GPC6: variants seen among roughly 807,000 people sequenced by gnomAD.
The protein encoded by GPC6 is glypican 6, also known as glypican-6.
A neutral mutation model predicts 55.2 loss-of-function variants in GPC6; 14 were observed. The ratio of observed to expected loss-of-function variants is 0.25; its 90% CI spans 0.17 to 0.40. The LOEUF (loss-of-function observed/expected upper bound fraction) is 0.40. Ranked by LOEUF, GPC6 falls within the 10% of genes least tolerant of loss-of-function variation. The pLI, the probability that GPC6 is intolerant of heterozygous loss-of-function variation, is 1.00. For synonymous variants in GPC6, 278 were observed against 259.6 expected (o/e 1.07, Z -0.68); for missense variants, 641 against 708.5 (o/e 0.90, Z 1.08).
At position 93,227,708 on chromosome 13, in the gene GPC6, C is replaced by G; in HGVS notation, c.160+92C>G. The stretch of plus-strand genomic sequence containing the variant: ...GGCGTCCCCTTCCTTCCCCCTGTTG[C>G]TGAGTTGGTGCTCACTTTCTGCCAC... On this transcript the variant is annotated intron_variant, in intron 1 of 8. Transcript: ENST00000377047. This position sits in a 1 kb window ranked among gnomAD's most constrained non-coding sequence, Gnocchi z 4.3. 1 of 1,036,398 alleles carries G rather than the reference C, an allele frequency of 9.6e-7. No individual in the cohort carries two copies. Among genetic ancestry groups the G allele is most frequent in the Admixed American group, 2.2e-5 (1 of 44,812 alleles). The allele number at this position is 1,036,398 out of a possible 1,614,324, so 64.2% of individuals were successfully genotyped here.
At chr13:93,870,845 C>A (rs1379869861) in intron 3 of GPC6, among the ~76,000 whole-genome samples, 4 of 151,888 alleles carry the variant, frequency 2.6e-5, no homozygotes, top group African/African-American at 4.8e-5. Flanking sequence ...GTCTTGAACT[C>A]CTGGGCTCAA....
intron 2 of GPC6, among the ~76,000 whole-genome samples, chr13:93,609,552 C>T (rs1594308559): frequency 1.3e-5 from 2 of 152,196 alleles, no homozygotes; most frequent in African/African-American, 4.8e-5. Context: ...ACCTGAGTTT[C>T]TGTAGCAACT....
intron 2 of GPC6, among the ~76,000 whole-genome samples, chr13:93,569,608 A>T (rs779694607): frequency 6.6e-6 from 1 of 152,028 alleles, no homozygotes; most frequent in Non-Finnish European, 1.5e-5. Context: ...CTGTCCTAGG[A>T]TCTAGCAATT....
At chr13:93,715,393 G>A (rs552451401) in intron 2 of GPC6, among the ~76,000 whole-genome samples, 9 of 151,616 alleles carry the variant, frequency 5.9e-5, no homozygotes, top group Non-Finnish European at 1.3e-4. Context: ...TCACTTGTTA[G>A]TGGGAGCTAA....
At chr13:93,280,808 G>A (rs961912930) in intron 1 of GPC6, among the ~76,000 whole-genome samples, 3 of 152,196 alleles carry the variant, frequency 2.0e-5, no homozygotes, top group Non-Finnish European at 4.4e-5. Context: ...GGATTAAAGT[G>A]TTCCACCTCA....
chr13:93,776,083 T>A (rs1442458366), intron 2 of GPC6, among the ~76,000 whole-genome samples: 1 of 96,944 alleles, frequency 1.0e-5, no homozygotes, highest in Non-Finnish European at 2.1e-5. Flanking sequence ...GGTGGGGGGG[T>A]GGTGTACATT....
chr13:93,667,457 A>C (rs1261821633), intron 2 of GPC6, among the ~76,000 whole-genome samples: 1 of 151,206 alleles, frequency 6.6e-6, no homozygotes. Context: ...TTTTTTGACA[A>C]AGTCTCACTC....
At chr13:94,016,776 A>G (rs1020402923) in intron 3 of GPC6, among the ~76,000 whole-genome samples, 1 of 151,760 alleles carries the variant, frequency 6.6e-6, no homozygotes, top group African/African-American at 2.4e-5. Flanking sequence ...TCCATGTAAA[A>G]TTCTATCATT....
chr13:93,749,811 A>G (rs1435298526), intron 2 of GPC6, among the ~76,000 whole-genome samples: 1 of 152,126 alleles, frequency 6.6e-6, no homozygotes, highest in African/African-American at 2.4e-5. Context: ...AAAAAAATAC[A>G]ACGTCAAATG....
chr13:93,364,356 T>C (rs1881161639), intron 1 of GPC6, among the ~76,000 whole-genome samples: 1 of 152,104 alleles, frequency 6.6e-6, no homozygotes, highest in Non-Finnish European at 1.5e-5. Flanking sequence ...ATGTTATCTA[T>C]CCAGAGGAGA....
chr13:93,339,832 G>A (rs7332108), intron 1 of GPC6, among the ~76,000 whole-genome samples: 2 of 151,854 alleles, frequency 1.3e-5, no homozygotes, highest in East Asian at 3.9e-4. Flanking sequence ...AACTTATGAA[G>A]TTGGGAGTTT....
intron 1 of GPC6, among the ~76,000 whole-genome samples, chr13:93,282,171 G>C (rs1006100775): frequency 3.9e-5 from 6 of 152,136 alleles, no homozygotes; most frequent in Admixed American, 3.9e-4. Context: ...CAAATGTTTT[G>C]AAGTGAATAT....
chr13:93,863,908 T>C (rs1445142830), intron 3 of GPC6, among the ~76,000 whole-genome samples: 1 of 151,700 alleles, frequency 6.6e-6, no homozygotes, highest in Non-Finnish European at 1.5e-5. Context: ...GAAATAAACA[T>C]CCATGCCCTG....
intron 4 of GPC6, among the ~76,000 whole-genome samples, chr13:94,222,293 C>G (rs778078718): frequency 6.6e-5 from 10 of 152,056 alleles, no homozygotes; most frequent in Non-Finnish European, 1.3e-4. Flanking sequence ...TAATACAAAT[C>G]TAGATCTCTA....
At chr13:93,412,150 G>C (rs989215933) in intron 1 of GPC6, among the ~76,000 whole-genome samples, 1 of 152,050 alleles carries the variant, frequency 6.6e-6, no homozygotes, top group Non-Finnish European at 1.5e-5. Flanking sequence ...TAAATAATAA[G>C]TGGAGAGGAC....
At chr13:93,972,957 C>T (rs1040535692) in intron 3 of GPC6, among the ~76,000 whole-genome samples, 1 of 151,792 alleles carries the variant, frequency 6.6e-6, no homozygotes, top group African/African-American at 2.4e-5. Flanking sequence ...CTTTCTCTCT[C>T]TCTCTCTCCC....
chr13:93,629,946 C>A (rs1879362464), intron 2 of GPC6, among the ~76,000 whole-genome samples: 1 of 152,124 alleles, frequency 6.6e-6, no homozygotes, highest in Admixed American at 6.6e-5. Context: ...ATGCTGTAAG[C>A]CTCAGCTTTT....
At chr13:93,426,851 C>A (rs1483663419) in intron 1 of GPC6, among the ~76,000 whole-genome samples, 1 of 148,746 alleles carries the variant, frequency 6.7e-6, no homozygotes, top group Non-Finnish European at 1.5e-5. Context: ...TACAGTCCCA[C>A]CAACAGTGTA....
At chr13:93,671,598 A>G (rs913661943) in intron 2 of GPC6, among the ~76,000 whole-genome samples, 4 of 142,908 alleles carry the variant, frequency 2.8e-5, no homozygotes, top group Admixed American at 1.4e-4. Flanking sequence ...CTGGGTTTTT[A>G]AGGGTTTTTT....
Sources: allele counts gnomAD v4.1 joint callset (sites outside exome capture counted in the v4.1 genomes callset), GRCh38; gene constraint gnomAD v4.1.1; non-coding constraint Gnocchi (gnomAD v3.1); transcripts MANE v1.5; gene names NCBI Gene and HGNC (gene_info 2026-07-23, HGNC 2026-07-21).